Variants in TCHP observed in about 807,000 individuals in gnomAD.
TCHP encodes the protein trichoplein keratin filament binding, also known as trichoplein keratin filament-binding protein.
Under a neutral mutation model 88.7 loss-of-function variants are expected in TCHP, and 81 were observed. That is an observed-to-expected ratio of 0.91 (90% CI 0.76 to 1.10). TCHP has a LOEUF of 1.10. Among genes scored for constraint, TCHP ranks in the 50% least tolerant of loss-of-function variants. TCHP has a pLI of 0.00. For synonymous variants in TCHP, 232 were observed against 232.5 expected (o/e 1.00, Z 0.02); for missense variants, 641 against 632.1 (o/e 1.01, Z -0.15).
At chr12:109,892,459 A>G in the TCHP span, among the ~76,000 whole-genome samples, 1 of 152,212 alleles carries the variant, frequency 6.6e-6, no homozygotes, top group Non-Finnish European at 1.5e-5. Flanking sequence ...GGCTGGACAC[A>G]GTGGTATGGG....
At chr12:109,914,933 C>G (rs1201834306) in intron 11 of TCHP, 1 of 410,176 alleles carries the variant, frequency 2.4e-6, no homozygotes, top group African/African-American at 2.0e-5. Context: ...ATACATAAGA[C>G]AGAACAGTCC....
chr12:109,903,978 G>C lies in TCHP; in HGVS notation c.230G>C (p.Arg77Thr). 1 of 1,610,988 alleles carries C rather than the reference G, an allele frequency of 6.2e-7. No individual in the cohort carries two copies. Among genetic ancestry groups the C allele is most frequent in the Non-Finnish European group, 8.5e-7 (1 of 1,178,956 alleles). ...YQREKMKEEKRRSLEARREKL... is the reference protein window; with the variant it reads ...YQREKMKEEKTRSLEARREKL... Reference sequence around the variant, plus strand: ...CGGGAGAAGATGAAGGAGGAGAAGAGGAGGAGTCTGGAGGCCCGACGGGAA... The same window carrying C: ...CGGGAGAAGATGAAGGAGGAGAAGACGAGGAGTCTGGAGGCCCGACGGGAA... The change falls in exon 3 of 13, where the codon AGG (arginine) becomes ACG (threonine). Residue 77 changes from arginine (R) to threonine (T), a missense_variant. Arg to Thr is a moderately conservative substitution (Grantham distance 71). Coordinates refer to ENST00000405876, the MANE Select transcript of TCHP (RefSeq NM_001143852.2). The surrounding 1 kb of genome is among the most constrained non-coding windows in gnomAD (Gnocchi z 4.6).
At chr12:109,891,929 C>T in the TCHP span, among the ~76,000 whole-genome samples, 1 of 151,388 alleles carries the variant, frequency 6.6e-6, no homozygotes, top group Non-Finnish European at 1.5e-5. Flanking sequence ...AAGCTGGTTA[C>T]CAACTCCTGA....
upstream of TCHP, among the ~76,000 whole-genome samples, chr12:109,898,392 T>C (rs1369472108): frequency 6.6e-6 from 1 of 152,076 alleles, no homozygotes; most frequent in African/African-American, 2.4e-5. Context: ...ATATTTTTAG[T>C]AGAGACGGGG....
At chr12:109,889,113 G>A in the TCHP span, among the ~76,000 whole-genome samples, 1 of 152,000 alleles carries the variant, frequency 6.6e-6, no homozygotes, top group Non-Finnish European at 1.5e-5. Flanking sequence ...AGGATTGCTT[G>A]AGCTCAGGAG....
chr12:109,884,313 C>T, the TCHP span, among the ~76,000 whole-genome samples: 3,197 of 152,108 alleles, frequency 0.021, 113 homozygotes, highest in African/African-American at 0.073. Context: ...CTCAGCCTCC[C>T]GAGTAGCTGG....
chr12:109,906,598 T>C lies in TCHP; in HGVS notation c.483T>C (p.His161=), dbSNP rs750791265. The part of the protein sequence containing the change: ...REMELDLHQK[H]VVNSWEMQKE... ...TGGAGCTGGACCTTCACCAGAAGCA[T>C]GTCGTAAACTCTTGGGAAATGCAGA... is the stretch of plus-strand genomic sequence containing the variant. The change falls in exon 5 of 13, where the codon CAT becomes CAC. Residue 161 remains histidine (H), a synonymous_variant. Coordinates refer to ENST00000405876, the MANE Select transcript of TCHP (RefSeq NM_001143852.2). 3.1e-6 allele frequency: 5 copies of C among 1,612,374 alleles called. No individual in the cohort carries two copies. The South Asian group carries it at 5.5e-5, about 18-fold the overall frequency.
rs1428849986 is a variant in TCHP, at chr12:109,908,654, A to G, written c.768A>G (p.Glu256=). 6.2e-7 allele frequency: 1 copy of G among 1,601,084 alleles called. No homozygotes were observed. ...GGTGGGAGCTAGAGAGGCTGGAGGA[A>G]GAGCGAAAGCAGATGGAAGCCTTCC... is the stretch of plus-strand genomic sequence containing the variant. ...KQRWELERLE[E]ERKQMEAFRQ... Residue 256 remains glutamate (E), a synonymous_variant, in exon 7 of 13, where the codon GAA becomes GAG. Transcript: ENST00000405876.
chr12:109,908,968 C>G, intron 8 of TCHP, 31 bp downstream of exon 8: 1 of 1,610,406 alleles, frequency 6.2e-7, no homozygotes, highest in South Asian at 1.1e-5. Flanking sequence ...TGACATCTTT[C>G]TTAGCCTCTT....
At chr12:109,911,274 C>T (rs1565912479) in intron 9 of TCHP, 39 bp downstream of exon 9, 3 of 1,208,500 alleles carry the variant, frequency 2.5e-6, no homozygotes, top group South Asian at 2.9e-5. Flanking sequence ...TGCTCCTGGC[C>T]TCAACTCTGA....
At position 109,905,136 on chromosome 12, in the gene TCHP, CTCAACTCTGGAGGGGTTGGGGAGGCT is replaced by C. The variant is rs1870057263; in HGVS notation, c.456+346_456+371del. The C allele has an allele frequency of 3.4e-6, 1 of 296,678 alleles. No homozygotes were observed. The highest frequency in any genetic ancestry group is 6.4e-6 in the Non-Finnish European group (1 of 156,436). 18.4% of individuals were successfully genotyped at this position (296,678 alleles called of 1,614,324 possible). ...GAGAGGATGAGCATGGGCCAGCGCA[CTCAACTCTGGAGGGGTTGGGGAGGCT>C]TCCCAGAGGAGTTCCTGGGGTGGAA... On this transcript the variant is annotated intron_variant, in intron 4 of 12. Transcript: ENST00000405876. The surrounding 1 kb of genome is among the most constrained non-coding windows in gnomAD (Gnocchi z 4.0).
Position 109,915,312 on chromosome 12 carries a change from G to C in TCHP, c.1321-91G>C, listed in dbSNP as rs991996354. On this transcript the variant is annotated intron_variant, in intron 11 of 12. Transcript: ENST00000405876. ...TTGCTCAGCTGGATTCTCCAGTCTG[G>C]GTAGGGCCGCAGGCTTACCTTCCTC... The C allele has an allele frequency of 3.8e-6, 6 of 1,583,474 alleles. No homozygotes were observed. The African/African-American group carries it at 5.4e-5, about 14-fold the overall frequency.
chr12:109,916,627 C>T lies in TCHP; in HGVS notation c.*4C>T. The stretch of plus-strand genomic sequence containing the variant: ...TCCAAAAATTGCTTGGAACTGACTT[C>T]ATGGGTACCATAAGTACAGAGAACA... On this transcript the variant is annotated 3_prime_UTR_variant, in exon 13 of 13. Transcript: ENST00000405876. 2 of 1,613,456 alleles carry T rather than the reference C, an allele frequency of 1.2e-6. No individual in the cohort carries two copies. Among genetic ancestry groups the T allele is most frequent in the Non-Finnish European group, 1.7e-6 (2 of 1,179,736 alleles).
At chr12:109,894,756 A>G in the TCHP span, among the ~76,000 whole-genome samples, 1 of 138,162 alleles carries the variant, frequency 7.2e-6, no homozygotes, top group African/African-American at 2.9e-5. Flanking sequence ...CAAGAGCGAA[A>G]CTCTGTCCCA....
upstream of TCHP, among the ~76,000 whole-genome samples, chr12:109,899,562 C>T (rs934589102): frequency 8.5e-5 from 13 of 152,088 alleles, no homozygotes; most frequent in African/African-American, 3.1e-4. Flanking sequence ...CGCTTGAACC[C>T]GTAAGGCGGA....
At chr12:109,899,453 T>G (rs143365401), upstream of TCHP, among the ~76,000 whole-genome samples, 2,696 of 152,030 alleles carry the variant, frequency 0.018, 66 homozygotes, top group African/African-American at 0.056. Flanking sequence ...TCCTGACCAA[T>G]ATGGTGAAAC....
At position 109,916,712 on chromosome 12, in the gene TCHP, T is replaced by A; in HGVS notation, c.*89T>A. ...CAGTTTTACAGGGCTCTGTTAACAG[T>A]AAGTGCCCGGGGCACTGTCAGATGG... On this transcript the variant is annotated 3_prime_UTR_variant, in exon 13 of 13. Transcript: ENST00000405876. The A allele has an allele frequency of 1.5e-6, 2 of 1,322,762 alleles. No individual in the cohort carries two copies. Among genetic ancestry groups the A allele is most frequent in the South Asian group, 1.3e-5 (1 of 78,430 alleles). 81.9% of individuals were successfully genotyped at this position (1,322,762 alleles called of 1,614,324 possible).
Position 109,904,127 on chromosome 12 carries a change from A to G in TCHP, c.379A>G (p.Lys127Glu). 1 of 1,576,002 alleles carries G rather than the reference A, an allele frequency of 6.3e-7. No individual in the cohort carries two copies. The highest frequency in any genetic ancestry group is 8.6e-7 in the Non-Finnish European group (1 of 1,160,494). The change falls in exon 3 of 13, where the codon AAA becomes GAA. Residue 127 changes from lysine (K) to glutamate (E), a missense_variant. Transcript: ENST00000405876. ...REQHGKLKSA[K>E]EEQRKLIAEQ... ...GCAGCACGGGAAGCTGAAATCAGCC[A>G]AAGAAGAGCAGAGGAAACTGGTAAC...
the TCHP span, among the ~76,000 whole-genome samples, chr12:109,884,916 C>G: frequency 6.6e-6 from 1 of 152,238 alleles, no homozygotes; most frequent in Non-Finnish European, 1.5e-5. Flanking sequence ...CGGCTACCAC[C>G]TAATCCTCAG....
Sources: gnomAD v4.1 joint callset for allele counts (sites outside exome capture counted in the v4.1 genomes callset) on GRCh38, gnomAD v4.1.1 for gene constraint, Gnocchi (gnomAD v3.1) non-coding constraint, MANE v1.5 for transcripts, NCBI Gene and HGNC (gene_info 2026-07-23, HGNC 2026-07-21) for gene names.